LAYN: variants seen among roughly 807,000 people sequenced by gnomAD.
LAYN encodes layilin.
A neutral mutation model predicts 43.6 loss-of-function variants in LAYN; 38 were observed. The observed-to-expected ratio is 0.87, with a 90% CI of 0.67 to 1.14. The LOEUF (loss-of-function observed/expected upper bound fraction) is 1.14, where lower values mean the gene tolerates loss of function less well. Among genes scored for constraint, LAYN ranks in the 50% most tolerant of loss-of-function variants. LAYN has a pLI of 0.00. For synonymous variants in LAYN, 168 were observed against 172.9 expected, an observed-to-expected ratio of 0.97 and a Z score of 0.22; for missense variants, 479 against 463.8, an observed-to-expected ratio of 1.03 and a Z score of -0.30.
intron 6 of LAYN, 35 bp downstream of exon 6, chr11:111,557,678 C>G: frequency 6.7e-7 from 1 of 1,491,190 alleles, no homozygotes; most frequent in Non-Finnish European, 9.4e-7. Context: ...ACCTTTGCAT[C>G]TTCTGCTCTC....
At chr11:111,549,285 AC>A (rs1867698984) in intron 2 of LAYN, among the ~76,000 whole-genome samples, 2 of 152,106 alleles carry the variant, frequency 1.3e-5, no homozygotes, top group South Asian at 4.1e-4. Context: ...AGACAAACAA[AC>A]CCAATTAGCA....
intron 2 of LAYN, among the ~76,000 whole-genome samples, chr11:111,548,887 C>T (rs1405265985): frequency 6.6e-6 from 1 of 152,194 alleles, no homozygotes; most frequent in Non-Finnish European, 1.5e-5. Flanking sequence ...ACCTGGCACC[C>T]ACATATCCAA....
chr11:111,545,074 A>ATATATATATATATATT (rs1170875315), intron 2 of LAYN, among the ~76,000 whole-genome samples: 1 of 148,390 alleles, frequency 6.7e-6, no homozygotes, highest in African/African-American at 2.5e-5. Flanking sequence ...ATATATATAT[A>ATATATATATATATATT]TTTTTTACCT....
In LAYN at chr11:111,560,445, T is replaced by TA; in HGVS notation, c.1113dup (p.Tyr372IlefsTer10). The TA allele has an allele frequency of 6.2e-7, 1 of 1,613,102 alleles. No individual in the cohort carries two copies. The highest frequency in any genetic ancestry group is 8.5e-7 in the Non-Finnish European group (1 of 1,179,432). The stretch of plus-strand genomic sequence containing the variant: ...GAGTCTGGATGGGTGGAAAATGAAA[T>TA]ATATGGTTATTAGGACATATAAAAA... On this transcript the variant is annotated frameshift_variant, in exon 7 of 7. Coordinates refer to ENST00000375614, the MANE Select transcript of LAYN (RefSeq NM_178834.5). LOFTEE classifies it high-confidence loss of function.
At chr11:111,540,696 T>G, upstream of LAYN, 1 of 720,462 alleles carries the variant, frequency 1.4e-6, no homozygotes. Context: ...ACCGACTGAC[T>G]CCGCGCCCTC....
At position 111,547,823 on chromosome 11, in the gene LAYN, ATTG is replaced by A. The variant is rs199688675; in HGVS notation, c.384-1788_384-1786del. On this transcript the variant is annotated intron_variant, in intron 2 of 6. Transcript: ENST00000375614. ...CCTGCCATCTTTCCCTGGATAAGAT[ATTG>A]TTGTTGATTTATTATCATGGCAGGG... 7.9e-3 allele frequency among the ~76,000 whole-genome samples: 1,199 copies of A among 152,238 alleles called. 17 individuals carry two copies. Among genetic ancestry groups the A allele is most frequent in the African/African-American group, 0.027 (1,138 of 41,524 alleles).
At chr11:111,548,602 AG>A (rs1053039163) in intron 2 of LAYN, among the ~76,000 whole-genome samples, 2 of 152,192 alleles carry the variant, frequency 1.3e-5, no homozygotes, top group Admixed American at 6.5e-5. Flanking sequence ...AGTGCAGCAA[AG>A]GATGTTCCTT....
In LAYN at chr11:111,540,767, G is replaced by C. The variant is rs1471318318; in HGVS notation, c.-77G>C. ...AGATGCTGCTGCCGCGGTTGCAGTT[G>C]TCGCGCACGCCTCTGCCCGCCAGCC... On this transcript the variant is annotated 5_prime_UTR_variant, in exon 1 of 7. Transcript: ENST00000375614. 3.7e-5 allele frequency: 52 copies of C among 1,393,770 alleles called. No homozygotes were observed. The highest frequency in any genetic ancestry group is 4.8e-5 in the Non-Finnish European group (50 of 1,052,186). The allele number at this position is 1,393,770 out of a possible 1,614,324, so 86.3% of individuals were successfully genotyped here.
At chr11:111,550,555 A>C (rs1867724916) in intron 3 of LAYN, among the ~76,000 whole-genome samples, 1 of 152,206 alleles carries the variant, frequency 6.6e-6, no homozygotes, top group Admixed American at 6.5e-5. Context: ...TTTGGGACTA[A>C]GTAATCCTGT....
intron 5 of LAYN, among the ~76,000 whole-genome samples, chr11:111,557,162 A>G (rs1867861126): frequency 6.6e-6 from 1 of 151,864 alleles, no homozygotes; most frequent in South Asian, 2.1e-4. Flanking sequence ...AAGAAAAGAG[A>G]GACTCTCTTT....
At position 111,560,206 on chromosome 11, in the gene LAYN, C is replaced by T. The variant is rs772510835; in HGVS notation, c.873C>T (p.Ser291=). Residue 291 remains serine, a synonymous_variant, in exon 7 of 7, where the codon AGC becomes AGT. Transcript: ENST00000375614. ...TCTACAATGTCATAAGAAAACAAAG[C>T]GAAGCTGACTTAGCTGAGACCCGGC... The part of the protein sequence containing the change: ...LEVYNVIRKQ[S]EADLAETRPD... 34 of 1,614,056 alleles carry T rather than the reference C, an allele frequency of 2.1e-5. 1 individual carries two copies. The South Asian group carries it at 2.9e-4, about 14-fold the overall frequency.
rs925985408 is a variant in LAYN at position 111,544,137 on chromosome 11, C to T, written c.300C>T (p.Leu100=). The T allele has an allele frequency of 1.2e-6, 2 of 1,614,024 alleles. No homozygotes were observed. The highest frequency in any genetic ancestry group is 8.5e-7 in the Non-Finnish European group (1 of 1,180,036). The change falls in exon 2 of 7, where the codon CTC becomes CTT. Residue 100 remains leucine, a synonymous_variant. Transcript: ENST00000375614. ...CTGATGGTGACTTCTGGATTGGGCTCAGGAGGCGTGAGGAGAAACAAAGCA... is the reference window on the plus strand; with the variant it reads ...CTGATGGTGACTTCTGGATTGGGCTTAGGAGGCGTGAGGAGAAACAAAGCA... ...LPSDGDFWIG[L]RRREEKQSNS...
At chr11:111,552,012 GTGTA>G (rs200474830) in intron 3 of LAYN, among the ~76,000 whole-genome samples, 1,989 of 148,234 alleles carry the variant, frequency 0.013, 31 homozygotes, top group African/African-American at 0.039. Context: ...GTATGTGTGT[GTGTA>G]TATATATATA....
chr11:111,541,602 T>A (rs1340006678), intron 1 of LAYN: 2 of 1,535,442 alleles, frequency 1.3e-6, no homozygotes, highest in Non-Finnish European at 1.7e-6. Flanking sequence ...TGCTCTGGCT[T>A]CTGGCTTCTT....
At chr11:111,540,475 G>C, upstream of LAYN, 1 of 326,762 alleles carries the variant, frequency 3.1e-6, no homozygotes, top group South Asian at 4.0e-5. Flanking sequence ...CTAGGGGCCC[G>C]ACTGAAGTAT....
intron 1 of LAYN, among the ~76,000 whole-genome samples, chr11:111,543,003 G>T (rs903716905): frequency 3.3e-5 from 5 of 152,170 alleles, no homozygotes; most frequent in Non-Finnish European, 7.3e-5. Flanking sequence ...CCATCTGTTT[G>T]TCTGAGATGA....
intron 6 of LAYN, among the ~76,000 whole-genome samples, chr11:111,558,783 A>ATATAT (rs1555018587): frequency 7.5e-4 from 108 of 143,134 alleles, no homozygotes; most frequent in African/African-American, 2.7e-3. Flanking sequence ...TATTTAAAAA[A>ATATAT]ATATATATAT....
intron 3 of LAYN, 63 bp downstream of exon 3, chr11:111,549,838 T>TGCTA (rs1471664434): frequency 8.6e-6 from 13 of 1,510,902 alleles, no homozygotes; most frequent in Non-Finnish European, 1.1e-5. Context: ...CATGAGCTGC[T>TGCTA]GCTAGTACCA....
Position 111,540,918 on chromosome 11 carries a change from C to A in LAYN, c.75C>A (p.Arg25=). The A allele has an allele frequency of 6.5e-7, 1 of 1,531,984 alleles. No homozygotes were observed. The highest frequency in any genetic ancestry group is 8.7e-7 in the Non-Finnish European group (1 of 1,145,586). The allele number at this position is 1,531,984 out of a possible 1,614,324, so 94.9% of individuals were successfully genotyped here. ...TGGGGCTGCGGGCCGCGACGGGTCG[C>A]CTGCTGAGTGGTGAGTGCGCGCGCT... ...LLVGLRAATG[R]LLSGQPVCRG... Residue 25 remains arginine (R), a synonymous_variant, in exon 1 of 7, where the codon CGC becomes CGA. Transcript: ENST00000375614.
Sources: allele counts gnomAD v4.1 joint callset (sites outside exome capture counted in the v4.1 genomes callset), GRCh38; gene constraint gnomAD v4.1.1; transcripts MANE v1.5; gene names NCBI Gene and HGNC (gene_info 2026-07-23, HGNC 2026-07-21).